Variants in RYR3 observed in about 807,000 individuals in gnomAD.
The protein encoded by RYR3 is ryanodine receptor 3.
A neutral mutation model predicts 584.3 loss-of-function variants in RYR3; 207 were observed. The observed-to-expected ratio is 0.35, with a 90% confidence interval of 0.32 to 0.40. RYR3 has a LOEUF of 0.40. Among genes scored for constraint, RYR3 ranks in the 10% least tolerant of loss-of-function variants. RYR3 has a pLI of 1.00. For missense variants in RYR3, 5,616 were observed against 6,089.2 expected (o/e 0.92, Z 2.59); for synonymous variants, 2,416 against 2,248.5 (o/e 1.07, Z -2.11).
At chr15:33,657,275 A>C (rs1319633902) in intron 32 of RYR3, among the ~76,000 whole-genome samples, 1 of 152,182 alleles carries the variant, frequency 6.6e-6, no homozygotes, top group Non-Finnish European at 1.5e-5. Flanking sequence ...GCAGTTTATG[A>C]AGTTTTCAGG....
At chr15:33,864,483 G>C (rs540112514) in intron 103 of RYR3, among the ~76,000 whole-genome samples, 15 of 152,274 alleles carry the variant, frequency 9.9e-5, no homozygotes, top group African/African-American at 3.4e-4. Context: ...ATAAGAAATG[G>C]AGTGGGTGGC....
chr15:33,663,804 C>T, intron 36 of RYR3, 67 bp downstream of exon 36: 1 of 1,363,420 alleles, frequency 7.3e-7, no homozygotes, highest in South Asian at 1.3e-5. Context: ...GAACAGGGCA[C>T]ATGAAACCTC....
chr15:33,749,918 C>A, intron 55 of RYR3, 61 bp from the exon 56 acceptor site: 1 of 1,476,908 alleles, frequency 6.8e-7, no homozygotes, highest in Non-Finnish European at 9.3e-7. Context: ...GACCTAGCAG[C>A]TATGAAGCCA....
intron 1 of RYR3, among the ~76,000 whole-genome samples, chr15:33,381,378 C>T (rs1020613703): frequency 6.6e-6 from 1 of 152,080 alleles, no homozygotes; most frequent in African/African-American, 2.4e-5. Flanking sequence ...ATTTTGCTTA[C>T]TGCTGTGTCA....
intron 61 of RYR3, 85 bp downstream of exon 61, chr15:33,768,792 C>A: frequency 7.5e-7 from 1 of 1,328,406 alleles, no homozygotes; most frequent in Non-Finnish European, 1.1e-6. Context: ...CTTCCTCAGA[C>A]AACCCGGGCC....
At chr15:33,508,110 C>T (rs2052632028) in intron 3 of RYR3, among the ~76,000 whole-genome samples, 1 of 152,174 alleles carries the variant, frequency 6.6e-6, no homozygotes, top group South Asian at 2.1e-4. Context: ...TTACCAGCTG[C>T]ACTCCTGCCG....
At chr15:33,572,382 T>G (rs896536270) in intron 12 of RYR3, among the ~76,000 whole-genome samples, 1 of 151,984 alleles carries the variant, frequency 6.6e-6, no homozygotes, top group Non-Finnish European at 1.5e-5. Context: ...GATGGACCTG[T>G]GTGTGTGGGC....
chr15:33,385,286 T>C (rs1199697280), intron 1 of RYR3, among the ~76,000 whole-genome samples: 1 of 152,230 alleles, frequency 6.6e-6, no homozygotes, highest in Non-Finnish European at 1.5e-5. Flanking sequence ...TTGTGCTTAA[T>C]AGTACTTTTT....
chr15:33,707,157 G>A (rs1216531833), intron 43 of RYR3, 103 bp downstream of exon 43: 4 of 1,341,098 alleles, frequency 3.0e-6, no homozygotes, highest in African/African-American at 1.5e-5. Flanking sequence ...TCTGAAAATA[G>A]GGGGTTGGTG....
At chr15:33,852,085 G>A (rs1257340468) in intron 94 of RYR3, 1 of 68,204 alleles carries the variant, frequency 1.5e-5, no homozygotes, top group Admixed American at 1.7e-4. Context: ...TGAATAGTAG[G>A]AGGTCTCCAT....
chr15:33,777,797 A>T lies in RYR3; in HGVS notation c.9138-2414A>T, dbSNP rs1022404479. Among the ~76,000 whole-genome samples, 82 of 152,188 alleles carry T rather than the reference A, an allele frequency of 5.4e-4. 1 individual carries two copies. The highest frequency in any genetic ancestry group is 1.8e-3 in the African/African-American group (76 of 41,542). ...TTGGTCAAAGAAAGAGGAAAAAAAA[A>T]AAAAAGAGAAGAATAATGGATCTAT... is the stretch of plus-strand genomic sequence containing the variant. On this transcript the variant is annotated intron_variant, in intron 64 of 103. Transcript: ENST00000634891.
At position 33,311,721 on chromosome 15, in the gene RYR3, T is replaced by TGG. The variant is rs1462442473; in HGVS notation, c.51+625_51+626insGG. On this transcript the variant is annotated intron_variant, in intron 1 of 103. Transcript: ENST00000634891. This position sits in a 1 kb window ranked among gnomAD's most constrained non-coding sequence, Gnocchi z 4.4. ...GGAGCCTGACTTGACTGACTGCCTGTCGTGTGTTCGAGAGCTGTGGCTTCT... is the reference window on the plus strand; with the variant it reads ...GGAGCCTGACTTGACTGACTGCCTGTGGCGTGTGTTCGAGAGCTGTGGCTTCT... 1.3e-5 allele frequency among the ~76,000 whole-genome samples: 2 copies of TGG among 152,202 alleles called. No homozygotes were observed. The highest frequency in any genetic ancestry group is 2.9e-5 in the Non-Finnish European group (2 of 68,042).
chr15:33,529,690 G>T (rs933917384), intron 3 of RYR3, among the ~76,000 whole-genome samples: 2 of 152,144 alleles, frequency 1.3e-5, no homozygotes, highest in Non-Finnish European at 2.9e-5. Flanking sequence ...CTTGATTGCT[G>T]GTTAGCATGA....
At chr15:33,827,724 A>T (rs778958266) in intron 85 of RYR3, among the ~76,000 whole-genome samples, 1 of 151,594 alleles carries the variant, frequency 6.6e-6, no homozygotes, top group Non-Finnish European at 1.5e-5. Context: ...TTATATTGAA[A>T]AAATCTACAC....
intron 2 of RYR3, among the ~76,000 whole-genome samples, chr15:33,484,918 G>A (rs1187092857): frequency 6.6e-6 from 1 of 152,168 alleles, no homozygotes; most frequent in Admixed American, 6.5e-5. Flanking sequence ...TAATGTTCAG[G>A]AGTTACTGGC....
intron 1 of RYR3, among the ~76,000 whole-genome samples, chr15:33,435,701 G>T (rs1354530607): frequency 6.6e-6 from 1 of 152,142 alleles, no homozygotes. Flanking sequence ...GTCCGGAGTT[G>T]ATTGTTCCTC....
chr15:33,513,410 C>G (rs1567415285), intron 3 of RYR3, among the ~76,000 whole-genome samples: 1 of 152,136 alleles, frequency 6.6e-6, no homozygotes, highest in African/African-American at 2.4e-5. Flanking sequence ...CCTATGATTG[C>G]CACTATCTGG....
intron 63 of RYR3, 40 bp from the exon 64 acceptor site, chr15:33,773,494 A>C: frequency 7.0e-7 from 1 of 1,423,696 alleles, no homozygotes; most frequent in East Asian, 2.3e-5. Flanking sequence ...TTCTGTATTC[A>C]GGATTGATGC....
chr15:33,662,155 G>T lies in RYR3; in HGVS notation c.4625G>T (p.Cys1542Phe). ...CTGATTGCTCGTCCTGTCCTCAGGT[G>T]TGTGGATATCCTGGAGCTCTGTGAG... ...MALHIPEENR[C>F]VDILELCEQE... The change falls in exon 35 of 104, where the codon TGT becomes TTT. Residue 1542 changes from cysteine (C) to phenylalanine (F), a missense_variant and splice_region_variant. Cys to Phe is a radical substitution (Grantham distance 205, BLOSUM62 -2). Transcript: ENST00000634891. 2 of 1,589,230 alleles carry T rather than the reference G, an allele frequency of 1.3e-6. No individual in the cohort carries two copies. Among genetic ancestry groups the T allele is most frequent in the Non-Finnish European group, 1.7e-6 (2 of 1,168,284 alleles).
Sources: gnomAD v4.1 joint callset for allele counts (sites outside exome capture counted in the v4.1 genomes callset) on GRCh38, gnomAD v4.1.1 for gene constraint, Gnocchi (gnomAD v3.1) non-coding constraint, MANE v1.5 for transcripts, NCBI Gene and HGNC (gene_info 2026-07-23, HGNC 2026-07-21) for gene names.